Variants in DNAJC13 observed in about 807,000 individuals in gnomAD.
The protein encoded by DNAJC13 is dnaJ homolog subfamily C member 13.
A neutral mutation model predicts 290.5 loss-of-function variants in DNAJC13; 75 were observed. That is an observed-to-expected ratio of 0.26 (90% CI 0.21 to 0.31). The LOEUF (loss-of-function observed/expected upper bound fraction) is 0.31. Among genes scored for constraint, DNAJC13 ranks in the 10% least tolerant of loss-of-function variants. The pLI, the probability that DNAJC13 is intolerant of heterozygous loss-of-function variation, is 1.00. For synonymous variants in DNAJC13, 862 were observed against 892.0 expected, an observed-to-expected ratio of 0.97 and a Z score of 0.60; for missense variants, 2,260 against 2,674.5, an observed-to-expected ratio of 0.85 and a Z score of 3.42.
At chr3:132,429,639 T>A (rs1939191041) in intron 1 of DNAJC13, among the ~76,000 whole-genome samples, 1 of 152,178 alleles carries the variant, frequency 6.6e-6, no homozygotes, top group Admixed American at 6.5e-5. Flanking sequence ...TTAAAGGCAG[T>A]CTTCAATGGA....
At chr3:132,456,889 C>T in intron 12 of DNAJC13, 57 bp downstream of exon 12, 1 of 1,562,074 alleles carries the variant, frequency 6.4e-7, no homozygotes, top group Non-Finnish European at 8.7e-7. Context: ...CTCAAAATGG[C>T]AAATAATGAA....
At chr3:132,445,238 A>G (rs1933204757) in intron 2 of DNAJC13, among the ~76,000 whole-genome samples, 1 of 152,156 alleles carries the variant, frequency 6.6e-6, no homozygotes, top group African/African-American at 2.4e-5. Flanking sequence ...GATTTAACTT[A>G]AGCATTTTTG....
At chr3:132,537,536 C>T (rs1016001607) in intron 55 of DNAJC13, among the ~76,000 whole-genome samples, 27 of 152,242 alleles carry the variant, frequency 1.8e-4, no homozygotes, top group South Asian at 6.2e-4. Context: ...TAAATGCTGG[C>T]ATATATGGCA....
intron 20 of DNAJC13, among the ~76,000 whole-genome samples, chr3:132,468,656 A>G (rs528586238): frequency 1.2e-4 from 19 of 152,274 alleles, no homozygotes; most frequent in Non-Finnish European, 2.6e-4. Context: ...CGGAATAACA[A>G]TACCTCCCTT....
intron 20 of DNAJC13, among the ~76,000 whole-genome samples, chr3:132,470,733 G>A (rs1934194419): frequency 9.1e-6 from 1 of 110,120 alleles, no homozygotes; most frequent in African/African-American, 3.8e-5. Context: ...CTTCCCAGTA[G>A]GGGCGGCCGG....
At chr3:132,513,983 T>C (rs1378048574) in intron 45 of DNAJC13, among the ~76,000 whole-genome samples, 1 of 152,198 alleles carries the variant, frequency 6.6e-6, no homozygotes, top group Non-Finnish European at 1.5e-5. Flanking sequence ...AAACTTTAAA[T>C]TGGTCAAAGA....
chr3:132,460,178 A>T, intron 13 of DNAJC13, 72 bp from the exon 14 acceptor site: 1 of 981,370 alleles, frequency 1.0e-6, no homozygotes, highest in Non-Finnish European at 1.5e-6. Flanking sequence ...ACTGTTTATA[A>T]ATGACTTTTG....
intron 15 of DNAJC13, 54 bp from the exon 16 acceptor site, chr3:132,462,413 G>A: frequency 6.5e-7 from 1 of 1,535,572 alleles, no homozygotes; most frequent in Non-Finnish European, 8.9e-7. Context: ...AGCTAAATGT[G>A]TTGGAATAAA....
In DNAJC13 at chr3:132,538,319, T is replaced by A. The variant is rs769920565; in HGVS notation, c.*37T>A. 22 of 1,550,666 alleles carry A rather than the reference T, an allele frequency of 1.4e-5. No homozygotes were observed. The highest frequency in any genetic ancestry group is 1.8e-5 in the Non-Finnish European group (20 of 1,127,554). The stretch of plus-strand genomic sequence containing the variant: ...GAGACAATAAACGCTGAAAGGCCAG[T>A]GCCAAGTCCACATTCCTCCAGCTGA... On this transcript the variant is annotated 3_prime_UTR_variant, in exon 56 of 56. Coordinates refer to ENST00000260818, the MANE Select transcript of DNAJC13 (RefSeq NM_015268.4).
intron 6 of DNAJC13, among the ~76,000 whole-genome samples, chr3:132,451,161 T>G (rs536995168): frequency 1.3e-5 from 2 of 152,284 alleles, no homozygotes; most frequent in African/African-American, 4.8e-5. Flanking sequence ...TTCTAAGCTT[T>G]CTTTGAAAAA....
chr3:132,488,166 C>A, intron 29 of DNAJC13, 132 bp from the exon 30 acceptor site: 1 of 682,520 alleles, frequency 1.5e-6, no homozygotes, highest in Non-Finnish European at 2.2e-6. Context: ...GGTAGATGAG[C>A]TTACTGACTC....
intron 20 of DNAJC13, among the ~76,000 whole-genome samples, chr3:132,471,646 TG>T (rs1934264965): frequency 9.4e-6 from 1 of 106,650 alleles, no homozygotes; most frequent in Non-Finnish European, 1.9e-5. Flanking sequence ...TCTCAGACGA[TG>T]GGCGGCCGGG....
At position 132,494,300 on chromosome 3, in the gene DNAJC13, T is replaced by C. The variant is rs754082833; in HGVS notation, c.3941+41T>C. 72 of 1,415,418 alleles carry C rather than the reference T, an allele frequency of 5.1e-5. No homozygotes were observed. In the South Asian group the frequency reaches 7.9e-4, roughly 15 times the overall value. The allele number at this position is 1,415,418 out of a possible 1,614,324, so 87.7% of individuals were successfully genotyped here. A position where few individuals can be genotyped will look rare whatever the true frequency, so the allele number is the denominator to read the frequency against. On this transcript the variant is annotated intron_variant, in intron 34 of 55. Transcript: ENST00000260818. ...TACAATAGCAAATGTCTGTCCCACCTTAAAGTACCAGTATCAAAGACTAAG... is the reference window on the plus strand; with the variant it reads ...TACAATAGCAAATGTCTGTCCCACCCTAAAGTACCAGTATCAAAGACTAAG...
intron 42 of DNAJC13, among the ~76,000 whole-genome samples, chr3:132,506,045 C>CTTTTTTTTTTTTTTTTTTTTT (rs573857472): frequency 1.4e-5 from 1 of 72,648 alleles, no homozygotes; most frequent in Non-Finnish European, 2.7e-5. Context: ...TGTACATTAT[C>CTTTTTTTTTTTTTTTTTTTTT]TTTTTTTTTT....
rs1380651484 is a variant in DNAJC13 at position 132,484,660 on chromosome 3, C to A, written c.3255C>A (p.Pro1085=). The change falls in exon 29 of 56, where the codon CCC becomes CCA. Residue 1085 remains proline (P), a synonymous_variant. Coordinates refer to ENST00000260818, the MANE Select transcript of DNAJC13 (RefSeq NM_015268.4). ...TGCTGTCAGATAGCACTTGCCTTCC[C>A]CATATTATTCAGGTGAGTTATGTAA... The part of the protein sequence containing the change: ...KRLLSDSTCL[P]HIIQLLLTFD... 4 of 1,613,664 alleles carry A rather than the reference C, an allele frequency of 2.5e-6. No homozygotes were observed. The South Asian group carries it at 4.4e-5, about 18-fold the overall frequency.
At chr3:132,520,422 A>C (rs1324997927) in intron 48 of DNAJC13, among the ~76,000 whole-genome samples, 2 of 152,206 alleles carry the variant, frequency 1.3e-5, no homozygotes, top group African/African-American at 4.8e-5. Flanking sequence ...TCAAATGTTT[A>C]ATAGTATACA....
At position 132,462,470 on chromosome 3, in the gene DNAJC13, C is replaced by A; in HGVS notation, c.1717C>A (p.Pro573Thr). 6.2e-7 allele frequency: 1 copy of A among 1,608,330 alleles called. No homozygotes were observed. The highest frequency in any genetic ancestry group is 8.5e-7 in the Non-Finnish European group (1 of 1,178,220). The change falls in exon 16 of 56, where the codon CCT becomes ACT. Residue 573 changes from proline to threonine, a missense_variant. Pro to Thr is a conservative substitution (Grantham distance 38). Coordinates refer to ENST00000260818, the MANE Select transcript of DNAJC13 (RefSeq NM_015268.4). ...CTTTTTCCCCCTCACTTTAAAGCAT[C>A]CTTCCATGGCAATAATAAAAGGAGC... Reference protein sequence around the residue: ...GRTLFKLFQHPSMAIIKGAGL... With the variant: ...GRTLFKLFQHTSMAIIKGAGL...
chr3:132,417,577 G>T lies in DNAJC13; in HGVS notation c.-197G>T, dbSNP rs916635281. The T allele has an allele frequency of 6.6e-6, 1 of 152,214 alleles. No individual in the cohort carries two copies. The allele number at this position is 152,214 out of a possible 1,614,324, so 9.4% of individuals were successfully genotyped here. ...ACTCTGAGAGGCAGAGGGAGGAGGC[G>T]GAGGGGGCGGGGAGGCAGCGCCGCG... On this transcript the variant is annotated 5_prime_UTR_variant, in exon 1 of 56. Transcript: ENST00000260818.
chr3:132,480,561 TCA>T (rs1934634202), intron 26 of DNAJC13, 91 bp downstream of exon 26: 1 of 940,704 alleles, frequency 1.1e-6, no homozygotes, highest in South Asian at 1.5e-5. Flanking sequence ...AAAGATGTGG[TCA>T]CACACTTATT....
Sources: gnomAD v4.1 joint callset for allele counts (sites outside exome capture counted in the v4.1 genomes callset) on GRCh38, gnomAD v4.1.1 for gene constraint, MANE v1.5 for transcripts, NCBI Gene and HGNC (gene_info 2026-07-23, HGNC 2026-07-21) for gene names.